The following IGSF10 variants were observed in gnomAD, a reference collection of about 807,000 sequenced individuals.
IGSF10 encodes the protein calvaria mechanical force protein 608.
In IGSF10, 126 loss-of-function variants were observed where a neutral mutation model predicts 128.2. The observed-to-expected ratio is 0.98, with a 90% confidence interval of 0.85 to 1.14. The LOEUF (loss-of-function observed/expected upper bound fraction) is 1.14, where lower values mean the gene tolerates loss of function less well. Among genes scored for constraint, IGSF10 ranks in the 50% most tolerant of loss-of-function variants. The probability of loss-of-function intolerance (pLI) is 0.00; values close to 1 mark genes in which losing one functional copy is unlikely to be tolerated. For synonymous variants in IGSF10, 1,185 were observed against 1,146.2 expected (o/e 1.03, Z -0.68); for missense variants, 3,295 against 3,149.8 (o/e 1.05, Z -1.10).
At chr3:151,548,859 A>G in the IGSF10 span, among the ~76,000 whole-genome samples, 1 of 150,424 alleles carries the variant, frequency 6.6e-6, no homozygotes, top group South Asian at 2.1e-4. Flanking sequence ...TTAAATTTTA[A>G]TTTCTGAAAA....
chr3:151,535,471 G>GA, the IGSF10 span, among the ~76,000 whole-genome samples: 2 of 152,284 alleles, frequency 1.3e-5, no homozygotes, highest in African/African-American at 2.4e-5. Context: ...GGAAAAGGTT[G>GA]AAAATCTAAC....
the IGSF10 span, among the ~76,000 whole-genome samples, chr3:151,559,987 A>T: frequency 6.6e-6 from 1 of 152,092 alleles, no homozygotes; most frequent in Non-Finnish European, 1.5e-5. Flanking sequence ...GTTTATGAGG[A>T]GATGGTGTAG....
chr3:151,549,400 G>A, the IGSF10 span, among the ~76,000 whole-genome samples: 1 of 152,144 alleles, frequency 6.6e-6, no homozygotes, highest in African/African-American at 2.4e-5. Context: ...TTAGCTGCAT[G>A]GACTTGGCAT....
At chr3:151,487,613 C>T in the IGSF10 span, among the ~76,000 whole-genome samples, 3 of 152,282 alleles carry the variant, frequency 2.0e-5, no homozygotes, top group East Asian at 3.9e-4. Flanking sequence ...TCCAGCAGCA[C>T]ATCAAAAAGC....
chr3:151,443,536 G>T lies in IGSF10; in HGVS notation c.5411C>A (p.Thr1804Lys). 1 of 1,614,250 alleles carries T rather than the reference G, an allele frequency of 6.2e-7. No individual in the cohort carries two copies. The change falls in exon 7 of 8, where the codon ACA becomes AAA. Residue 1804 changes from threonine (T) to lysine (K), a missense_variant. Physicochemically the swap from Thr to Lys is moderately conservative, Grantham distance 78 (BLOSUM62 -1). Coordinates refer to ENST00000282466, the MANE Select transcript of IGSF10 (RefSeq NM_178822.5). Reference protein sequence around the residue: ...SRQAVVTVDGTLVLHNLSIYD... With the variant: ...SRQAVVTVDGKLVLHNLSIYD... The stretch of plus-strand genomic sequence containing the variant: ...AATACTGAGATTGTGGAGGACCAAT[G>T]TTCCGTCAACCGTCACCACAGCCTG...
intron 5 of IGSF10, among the ~76,000 whole-genome samples, chr3:151,450,424 C>T (rs1196860998): frequency 6.6e-6 from 1 of 152,180 alleles, no homozygotes; most frequent in East Asian, 1.9e-4. Flanking sequence ...GTGCACATGT[C>T]CTCTCAAAGG....
rs928039724 is a variant in IGSF10, at chr3:151,436,376, A to T, written c.*313T>A. ...ACTAGGCAACTGGTATTAGAAGTTC[A>T]TTTTTTTACTGAAAAATTCAGGTAC... On this transcript the variant is annotated 3_prime_UTR_variant, in exon 8 of 8. Coordinates refer to ENST00000282466, the MANE Select transcript of IGSF10 (RefSeq NM_178822.5). The T allele has an allele frequency of 4.4e-6, 1 of 228,538 alleles. No individual in the cohort carries two copies. Among genetic ancestry groups the T allele is most frequent in the Non-Finnish European group, 8.6e-6 (1 of 116,322 alleles). 14.2% of individuals were successfully genotyped at this position (228,538 alleles called of 1,614,324 possible). A position where few individuals can be genotyped will look rare whatever the true frequency, so the allele number is the denominator to read the frequency against.
the IGSF10 span, among the ~76,000 whole-genome samples, chr3:151,517,877 ATAAGGAGG>A: frequency 1.3e-5 from 2 of 151,968 alleles, no homozygotes; most frequent in Admixed American, 6.6e-5. Context: ...GCATTCCAGC[ATAAGGAGG>A]TACCCTCTAC....
At chr3:151,597,260 A>G in the IGSF10 span, among the ~76,000 whole-genome samples, 1 of 152,218 alleles carries the variant, frequency 6.6e-6, no homozygotes, top group East Asian at 1.9e-4. Context: ...CACGGGTCTT[A>G]TGAATAACAC....
chr3:151,522,197 TAATA>T, the IGSF10 span, among the ~76,000 whole-genome samples: 1 of 152,008 alleles, frequency 6.6e-6, no homozygotes, highest in Non-Finnish European at 1.5e-5. Context: ...ATCGAATCAC[TAATA>T]AATAGCTTGC....
chr3:151,595,182 C>A, the IGSF10 span, among the ~76,000 whole-genome samples: 1 of 151,992 alleles, frequency 6.6e-6, no homozygotes, highest in Non-Finnish European at 1.5e-5. Flanking sequence ...TAAATTAGTA[C>A]GGACATTATG....
the IGSF10 span, among the ~76,000 whole-genome samples, chr3:151,532,254 C>G: frequency 6.6e-6 from 1 of 152,004 alleles, no homozygotes; most frequent in Non-Finnish European, 1.5e-5. Context: ...CCAGAGTAAC[C>G]AAGAGGAGCT....
At chr3:151,555,119 G>A in the IGSF10 span, among the ~76,000 whole-genome samples, 1 of 152,230 alleles carries the variant, frequency 6.6e-6, no homozygotes, top group East Asian at 1.9e-4. Flanking sequence ...TAAGGAAACT[G>A]CCATAGCAAA....
chr3:151,611,454 A>G, the IGSF10 span, among the ~76,000 whole-genome samples: 1 of 152,168 alleles, frequency 6.6e-6, no homozygotes, highest in Non-Finnish European at 1.5e-5. Flanking sequence ...TGATTCATTG[A>G]CCTATGAAGT....
chr3:151,581,600 T>C, the IGSF10 span, among the ~76,000 whole-genome samples: 2 of 151,998 alleles, frequency 1.3e-5, no homozygotes, highest in Non-Finnish European at 2.9e-5. Flanking sequence ...AGTTTGCACT[T>C]TTTCTTCCCA....
At chr3:151,444,887 A>G in intron 6 of IGSF10, 32 bp downstream of exon 6, 1 of 1,528,962 alleles carries the variant, frequency 6.5e-7, no homozygotes, top group East Asian at 2.3e-5. Flanking sequence ...TTTTCTAACA[A>G]AAACTAAGTG....
At chr3:151,529,808 A>G in the IGSF10 span, among the ~76,000 whole-genome samples, 1 of 152,114 alleles carries the variant, frequency 6.6e-6, no homozygotes, top group Non-Finnish European at 1.5e-5. Flanking sequence ...TTCTCCTTCA[A>G]AGGATTACAA....
the IGSF10 span, among the ~76,000 whole-genome samples, chr3:151,521,614 G>T: frequency 2.0e-5 from 3 of 151,940 alleles, no homozygotes; most frequent in South Asian, 6.2e-4. Context: ...TGACTTTGGG[G>T]TAAATAATGA....
At chr3:151,503,711 A>G in the IGSF10 span, among the ~76,000 whole-genome samples, 1 of 152,198 alleles carries the variant, frequency 6.6e-6, no homozygotes, top group Non-Finnish European at 1.5e-5. Flanking sequence ...TGCACGCCAA[A>G]TTGGCTAAAT....
Sources: gnomAD v4.1 joint callset for allele counts (sites outside exome capture counted in the v4.1 genomes callset) on GRCh38, gnomAD v4.1.1 for gene constraint, MANE v1.5 for transcripts, NCBI Gene and HGNC (gene_info 2026-07-23, HGNC 2026-07-21) for gene names.